RHBDL3: variants seen among roughly 807,000 people sequenced by gnomAD.
The protein encoded by RHBDL3 is rhomboid-related protein 3.
In RHBDL3, 28 loss-of-function variants were observed where a neutral mutation model predicts 48.2. That is an observed-to-expected ratio of 0.58 (90% CI 0.43 to 0.80). RHBDL3 has a LOEUF of 0.80. Ranked by LOEUF, RHBDL3 falls within the 30% of genes least tolerant of loss-of-function variation. The probability of loss-of-function intolerance (pLI) is 0.00; values close to 1 mark genes in which losing one functional copy is unlikely to be tolerated. For missense variants in RHBDL3, 464 were observed against 542.7 expected (o/e 0.85, Z 1.44); for synonymous variants, 208 against 232.3 (o/e 0.90, Z 0.95).
intron 2 of RHBDL3, among the ~76,000 whole-genome samples, chr17:32,273,753 T>G (rs2150691975): frequency 6.6e-6 from 1 of 152,294 alleles, no homozygotes; most frequent in East Asian, 1.9e-4. Flanking sequence ...TTGTTTGTTT[T>G]GAGACAGAGT....
intron 7 of RHBDL3, among the ~76,000 whole-genome samples, chr17:32,313,674 T>G (rs942337092): frequency 2.0e-5 from 3 of 152,036 alleles, no homozygotes; most frequent in Non-Finnish European, 4.4e-5. Flanking sequence ...TATTTAGCTT[T>G]CTGTGACTGC....
intron 2 of RHBDL3, among the ~76,000 whole-genome samples, chr17:32,272,799 T>C (rs2039803617): frequency 1.3e-5 from 2 of 152,220 alleles, no homozygotes; most frequent in African/African-American, 4.8e-5. Flanking sequence ...ATACACACGT[T>C]TGAGCGAACG....
chr17:32,316,288 C>G lies in RHBDL3; in HGVS notation c.939C>G (p.Ile313Met). Residue 313 changes from isoleucine (I) to methionine (M), a missense_variant, in exon 8 of 9, where the codon ATC (isoleucine) becomes ATG (methionine). Coordinates refer to ENST00000269051, the MANE Select transcript of RHBDL3 (RefSeq NM_138328.3). ...TGCTGCGGATGGCTGTGGCCCTTATCTGTAGTAAGTACTGATGGGGCGCTG... is the reference window on the plus strand; with the variant it reads ...TGCTGCGGATGGCTGTGGCCCTTATGTGTAGTAAGTACTGATGGGGCGCTG... ...FKLLRMAVAL[I>M]CMSMEFGRAV... 2 of 1,612,496 alleles carry G rather than the reference C, an allele frequency of 1.2e-6. No homozygotes were observed. The highest frequency in any genetic ancestry group is 1.7e-6 in the Non-Finnish European group (2 of 1,178,530).
chr17:32,291,121 T>A (rs2040317351), intron 4 of RHBDL3, among the ~76,000 whole-genome samples: 1 of 149,212 alleles, frequency 6.7e-6, no homozygotes, highest in Admixed American at 6.7e-5. Flanking sequence ...TCACTTGAGG[T>A]TAGGAATTTA....
chr17:32,314,552 A>G (rs887803812), intron 7 of RHBDL3, among the ~76,000 whole-genome samples: 4 of 152,180 alleles, frequency 2.6e-5, no homozygotes, highest in African/African-American at 9.7e-5. Flanking sequence ...CCTGGCAAAC[A>G]ACAGCAAGAA....
chr17:32,271,585 C>T (rs1397169299), intron 2 of RHBDL3, among the ~76,000 whole-genome samples: 2 of 152,170 alleles, frequency 1.3e-5, no homozygotes, highest in East Asian at 3.8e-4. Context: ...AGTTAACCCA[C>T]AAAGGGCTTC....
intron 2 of RHBDL3, among the ~76,000 whole-genome samples, chr17:32,271,137 AT>A (rs2039764177): frequency 6.6e-6 from 1 of 152,180 alleles, no homozygotes; most frequent in Non-Finnish European, 1.5e-5. Flanking sequence ...CAGACCTGAG[AT>A]AGTTTTCGTA....
At chr17:32,273,860 G>A (rs764077946) in intron 2 of RHBDL3, among the ~76,000 whole-genome samples, 2 of 151,992 alleles carry the variant, frequency 1.3e-5, no homozygotes, top group Admixed American at 6.5e-5. Context: ...TTCAGGCTCC[G>A]AAGTAGCTGG....
chr17:32,321,281 A>G lies in RHBDL3; in HGVS notation c.*52A>G. The G allele has an allele frequency of 6.2e-7, 1 of 1,610,818 alleles. No homozygotes were observed. Among genetic ancestry groups the G allele is most frequent in the Non-Finnish European group, 8.5e-7 (1 of 1,179,308 alleles). On this transcript the variant is annotated 3_prime_UTR_variant, in exon 9 of 9. Coordinates refer to ENST00000269051, the MANE Select transcript of RHBDL3 (RefSeq NM_138328.3). ...GGAGGGAAAAGCAGCACCCACAGGG[A>G]GCGCCTGCGAGGTTTCTTCTCATCA...
At position 32,288,781 on chromosome 17, in the gene RHBDL3, T is replaced by G; in HGVS notation, c.295-11T>G. On this transcript the variant is annotated splice_polypyrimidine_tract_variant and intron_variant, in intron 3 of 8. Transcript: ENST00000269051. ...AGCTCTGACCCTCTCCCCACTCCATTTCCTGCACAGATGAGCAACAAGCGT... is the reference window on the plus strand; with the variant it reads ...AGCTCTGACCCTCTCCCCACTCCATGTCCTGCACAGATGAGCAACAAGCGT... The G allele has an allele frequency of 1.2e-6, 2 of 1,603,194 alleles. No individual in the cohort carries two copies. Among genetic ancestry groups the G allele is most frequent in the Non-Finnish European group, 1.7e-6 (2 of 1,174,032 alleles).
At chr17:32,282,874 G>A (rs12936267) in intron 2 of RHBDL3, among the ~76,000 whole-genome samples, 5,661 of 152,108 alleles carry the variant, frequency 0.037, 114 homozygotes, top group South Asian at 0.064. Flanking sequence ...CACCTGCCTC[G>A]GCCTCCCAAA....
At chr17:32,279,718 T>C (rs1330151635) in intron 2 of RHBDL3, among the ~76,000 whole-genome samples, 1 of 152,042 alleles carries the variant, frequency 6.6e-6, no homozygotes, top group Non-Finnish European at 1.5e-5. Flanking sequence ...GTGCACGGGG[T>C]GGGTGGCCCT....
chr17:32,269,578 C>T (rs550383021), intron 2 of RHBDL3, among the ~76,000 whole-genome samples: 2 of 152,312 alleles, frequency 1.3e-5, no homozygotes, highest in East Asian at 1.9e-4. Context: ...TGGCTCCTGT[C>T]CTGACGGGTA....
intron 2 of RHBDL3, among the ~76,000 whole-genome samples, chr17:32,273,598 CT>C (rs1252613014): frequency 1.3e-5 from 2 of 152,214 alleles, no homozygotes; most frequent in Admixed American, 6.5e-5. Flanking sequence ...ACCTTCCCCC[CT>C]ACGTTGTTGT....
chr17:32,289,046 C>T (rs1266053533), intron 4 of RHBDL3, 30 bp downstream of exon 4: 2 of 1,599,262 alleles, frequency 1.3e-6, no homozygotes, highest in East Asian at 2.2e-5. Flanking sequence ...GGGGGTTGCT[C>T]TGCCTTGGGG....
At chr17:32,316,146 ATTTT>A in intron 7 of RHBDL3, 82 bp from the exon 8 acceptor site, 2 of 936,138 alleles carry the variant, frequency 2.1e-6, no homozygotes, top group Non-Finnish European at 3.5e-6. Context: ...GGAGATCCTT[ATTTT>A]AATGTCAGGT....
intron 2 of RHBDL3, among the ~76,000 whole-genome samples, chr17:32,283,353 G>T (rs1326968479): frequency 8.3e-6 from 1 of 120,172 alleles, no homozygotes; most frequent in Non-Finnish European, 1.6e-5. Flanking sequence ...ATGGAGTCTC[G>T]CTGTGTTGCC....
intron 4 of RHBDL3, among the ~76,000 whole-genome samples, chr17:32,291,535 G>C (rs1194837843): frequency 6.6e-6 from 1 of 150,822 alleles, no homozygotes; most frequent in East Asian, 2.0e-4. Flanking sequence ...ACAAAAATTA[G>C]TCGTGTATCA....
chr17:32,321,629 G>A lies in RHBDL3; in HGVS notation c.*400G>A, dbSNP rs1003032734. ...GACCCTAAGAGACATGGGAAGGCTC[G>A]AAGGTTGTTGCGTCCAGGCATGGCC... On this transcript the variant is annotated 3_prime_UTR_variant, in exon 9 of 9. Coordinates refer to ENST00000269051, the MANE Select transcript of RHBDL3 (RefSeq NM_138328.3). The A allele has an allele frequency of 5.8e-6, 2 of 343,392 alleles. No homozygotes were observed. The highest frequency in any genetic ancestry group is 5.6e-6 in the Non-Finnish European group (1 of 177,756). The allele number at this position is 343,392 out of a possible 1,614,324, so 21.3% of individuals were successfully genotyped here. A position where few individuals can be genotyped will look rare whatever the true frequency, so the allele number is the denominator to read the frequency against.
Sources: gnomAD v4.1 joint callset for allele counts (sites outside exome capture counted in the v4.1 genomes callset) on GRCh38, gnomAD v4.1.1 for gene constraint, MANE v1.5 for transcripts, NCBI Gene and HGNC (gene_info 2026-07-23, HGNC 2026-07-21) for gene names.